IPMK: variants seen among roughly 807,000 people sequenced by gnomAD.
IPMK encodes the protein inositol polyphosphate multikinase.
A neutral mutation model predicts 45.8 loss-of-function variants in IPMK; 17 were observed. That is an observed-to-expected ratio of 0.37 (90% CI 0.25 to 0.56). The LOEUF (loss-of-function observed/expected upper bound fraction) is 0.56. Among genes scored for constraint, IPMK ranks in the 20% least tolerant of loss-of-function variants. The pLI is 0.79. For synonymous variants in IPMK, 180 were observed against 184.3 expected, an observed-to-expected ratio of 0.98 and a Z score of 0.19; for missense variants, 399 against 498.0, an observed-to-expected ratio of 0.80 and a Z score of 1.89.
chr10:58,216,064 A>T, intron 4 of IPMK, 81 bp downstream of exon 4: 1 of 850,386 alleles, frequency 1.2e-6, no homozygotes, highest in Non-Finnish European at 1.7e-6. Flanking sequence ...CTGATATATT[A>T]GTACTACAAT....
At chr10:58,208,907 G>A (rs1347870476) in intron 4 of IPMK, among the ~76,000 whole-genome samples, 1 of 152,186 alleles carries the variant, frequency 6.6e-6, no homozygotes, top group African/African-American at 2.4e-5. Flanking sequence ...AGGGTAGCTG[G>A]GGTGGCTCTC....
At position 58,194,198 on chromosome 10, in the gene IPMK, A is replaced by C. The variant is rs1837858775; in HGVS notation, c.*1878T>G. 6.6e-6 allele frequency: 1 copy of C among 151,882 alleles called. No individual in the cohort carries two copies. Among genetic ancestry groups the C allele is most frequent in the African/African-American group, 2.4e-5 (1 of 41,440 alleles). 9.4% of individuals were successfully genotyped at this position (151,882 alleles called of 1,614,324 possible). On this transcript the variant is annotated 3_prime_UTR_variant, in exon 6 of 6. Transcript: ENST00000373935. ...GGTTGATATCATCCCATACAAAAAA[A>C]GCCTCAGTATCTTGTTAAGATTCAA...
In IPMK at chr10:58,267,813, A is replaced by ACGCGGCT; in HGVS notation, c.-209_-203dup. On this transcript the variant is annotated 5_prime_UTR_variant, in exon 1 of 6. Transcript: ENST00000373935. Reference sequence around the variant, plus strand: ...GCTCCTCTGCCCAACTCTCGGCGGAACGCGGCTCCCGGCTCCTGTTCCTCT... The same window carrying ACGCGGCT: ...GCTCCTCTGCCCAACTCTCGGCGGAACGCGGCTCGCGGCTCCCGGCTCCTGTTCCTCT... The ACGCGGCT allele has an allele frequency of 2.0e-6, 1 of 507,314 alleles. No homozygotes were observed. Among genetic ancestry groups the ACGCGGCT allele is most frequent in the South Asian group, 2.7e-5 (1 of 37,130 alleles). 31.4% of individuals were successfully genotyped at this position (507,314 alleles called of 1,614,324 possible). A position where few individuals can be genotyped will look rare whatever the true frequency, so the allele number is the denominator to read the frequency against.
chr10:58,260,877 A>C (rs2132267592), intron 1 of IPMK, among the ~76,000 whole-genome samples: 1 of 152,200 alleles, frequency 6.6e-6, no homozygotes, highest in East Asian at 1.9e-4. Context: ...GGCAATGCCA[A>C]ATAAAATCTC....
intron 2 of IPMK, among the ~76,000 whole-genome samples, chr10:58,227,470 T>C (rs1420523979): frequency 6.6e-6 from 1 of 152,198 alleles, no homozygotes; most frequent in Non-Finnish European, 1.5e-5. Flanking sequence ...CTGACTTTCC[T>C]CCATGCACCC....
intron 1 of IPMK, among the ~76,000 whole-genome samples, chr10:58,247,455 C>T (rs1237679295): frequency 1.3e-5 from 2 of 151,376 alleles, no homozygotes; most frequent in African/African-American, 4.9e-5. Flanking sequence ...CACATATACA[C>T]CATGGAATAC....
rs1388222206 is a variant in IPMK, at chr10:58,196,358, T to C, written c.969A>G (p.Lys323=). 6.2e-7 allele frequency: 1 copy of C among 1,614,182 alleles called. No individual in the cohort carries two copies. The highest frequency in any genetic ancestry group is 8.5e-7 in the Non-Finnish European group (1 of 1,180,024). The change falls in exon 6 of 6, where the codon AAA becomes AAG. Residue 323 remains lysine, a synonymous_variant. Coordinates refer to ENST00000373935, the MANE Select transcript of IPMK (RefSeq NM_152230.5). ...SLSKMYARHR[K]IYTKKHHSQT... is the part of the protein sequence containing the mutation. Reference sequence around the variant, plus strand: ...GACTGTGATGCTTTTTTGTATATATTTTCCTGTGACGCGCATACATCTTGG... The same window carrying C: ...GACTGTGATGCTTTTTTGTATATATCTTCCTGTGACGCGCATACATCTTGG...
chr10:58,215,162 T>C (rs1043975517), intron 4 of IPMK, among the ~76,000 whole-genome samples: 1 of 152,170 alleles, frequency 6.6e-6, no homozygotes, highest in Non-Finnish European at 1.5e-5. Flanking sequence ...ACCAACTTCC[T>C]GACACAAGAA....
chr10:58,250,157 T>G (rs2132173776), intron 1 of IPMK, among the ~76,000 whole-genome samples: 1 of 152,356 alleles, frequency 6.6e-6, no homozygotes, highest in Admixed American at 6.5e-5. Context: ...AGCATTTCTT[T>G]GGGTATTTGA....
At chr10:58,217,623 G>A (rs1016126930) in intron 3 of IPMK, among the ~76,000 whole-genome samples, 3 of 147,122 alleles carry the variant, frequency 2.0e-5, no homozygotes, top group Non-Finnish European at 4.4e-5. Context: ...GGGAGGCAGA[G>A]GTTGTGGTGA....
intron 1 of IPMK, among the ~76,000 whole-genome samples, chr10:58,258,282 C>G (rs573333640): frequency 4.6e-5 from 7 of 151,808 alleles, no homozygotes; most frequent in African/African-American, 1.5e-4. Context: ...TGCACTCCAG[C>G]CTGGCGACGG....
intron 5 of IPMK, 133 bp downstream of exon 5, chr10:58,199,107 T>C (rs1837959439): frequency 1.7e-6 from 1 of 575,968 alleles, no homozygotes; most frequent in East Asian, 3.0e-5. Flanking sequence ...ATTCTGTAAA[T>C]CTAAGTTTCA....
At chr10:58,242,869 C>T (rs541084192) in intron 1 of IPMK, among the ~76,000 whole-genome samples, 1 of 152,208 alleles carries the variant, frequency 6.6e-6, no homozygotes, top group African/African-American at 2.4e-5. Flanking sequence ...AGATATCCCC[C>T]TTGCTGTTCT....
At chr10:58,201,110 T>C (rs1837990441) in intron 4 of IPMK, among the ~76,000 whole-genome samples, 1 of 152,214 alleles carries the variant, frequency 6.6e-6, no homozygotes. Context: ...GTAATAAACA[T>C]ATATGCAGTA....
At chr10:58,238,945 A>G (rs1838657967) in intron 1 of IPMK, among the ~76,000 whole-genome samples, 2 of 151,988 alleles carry the variant, frequency 1.3e-5, no homozygotes, top group Admixed American at 6.5e-5. Context: ...AGAGTTTGAG[A>G]TGAGTCTGGG....
At chr10:58,264,440 C>T (rs1839118969) in intron 1 of IPMK, among the ~76,000 whole-genome samples, 2 of 152,094 alleles carry the variant, frequency 1.3e-5, no homozygotes, top group South Asian at 4.1e-4. Context: ...ATAGACTACC[C>T]CATTTCTACA....
intron 3 of IPMK, among the ~76,000 whole-genome samples, chr10:58,217,415 G>A (rs974579338): frequency 6.6e-6 from 1 of 151,684 alleles, no homozygotes; most frequent in Non-Finnish European, 1.5e-5. Flanking sequence ...TCGGCCAGGT[G>A]AGGTACCTCA....
Position 58,265,058 on chromosome 10 carries a change from T to C in IPMK, c.190+2364A>G, listed in dbSNP as rs148264504. On this transcript the variant is annotated intron_variant, in intron 1 of 5. Transcript: ENST00000373935. ...GTTTAAAAAACAAAATACTTTGTAT[T>C]CTTAGAACTAAGATTTAAATGTATT... Among the ~76,000 whole-genome samples the C allele has an allele frequency of 2.5e-3, 383 of 152,338 alleles. 1 individual carries two copies. The highest frequency in any genetic ancestry group is 8.9e-3 in the African/African-American group (370 of 41,582).
At chr10:58,244,191 G>A (rs28435896) in intron 1 of IPMK, among the ~76,000 whole-genome samples, 43,710 of 139,166 alleles carry the variant, frequency 0.31, 8,712 homozygotes, top group African/African-American at 0.58. Context: ...GGTGAGGAGC[G>A]CCTCTGCCCG....
Sources: allele counts gnomAD v4.1 joint callset (sites outside exome capture counted in the v4.1 genomes callset), GRCh38; gene constraint gnomAD v4.1.1; transcripts MANE v1.5; gene names NCBI Gene and HGNC (gene_info 2026-07-23, HGNC 2026-07-21).